RNF149: variants seen among roughly 807,000 people sequenced by gnomAD.
RNF149 encodes the protein E3 ubiquitin-protein ligase RNF149.
Under a neutral mutation model 39.0 loss-of-function variants are expected in RNF149, and 21 were observed. That is an observed-to-expected ratio of 0.54 (90% CI 0.38 to 0.77). The LOEUF (loss-of-function observed/expected upper bound fraction) is 0.77. Among genes scored for constraint, RNF149 ranks in the 30% least tolerant of loss-of-function variants. The pLI, the probability that RNF149 is intolerant of heterozygous loss-of-function variation, is 0.00. For missense variants in RNF149, 493 were observed against 534.9 expected, an observed-to-expected ratio of 0.92 and a Z score of 0.77; for synonymous variants, 209 against 213.6, an observed-to-expected ratio of 0.98 and a Z score of 0.19.
At chr2:101,273,277 T>C (rs769497945), downstream of RNF149, 36 of 505,966 alleles carry the variant, frequency 7.1e-5, 1 homozygote, top group Admixed American at 5.6e-4. Context: ...ACTGCCTCCT[T>C]CTCCATGCCA....
chr2:101,273,476 C>CTA, downstream of RNF149: 2 of 350,410 alleles, frequency 5.7e-6, no homozygotes, highest in South Asian at 4.4e-5. Flanking sequence ...ATATTTGTTT[C>CTA]TTTTTTTTTT....
chr2:101,297,944 T>C (rs1254938332), intron 1 of RNF149, among the ~76,000 whole-genome samples: 4 of 152,204 alleles, frequency 2.6e-5, no homozygotes, highest in Non-Finnish European at 5.9e-5. Context: ...AAAAGTCTGA[T>C]ACACTATACT....
At chr2:101,294,388 C>A (rs1683140625) in intron 2 of RNF149, 2 of 266,372 alleles carry the variant, frequency 7.5e-6, no homozygotes, top group South Asian at 4.8e-5. Flanking sequence ...GCAACCACTT[C>A]TTATGCTTAA....
At position 101,288,473 on chromosome 2, in the gene RNF149, C is replaced by A. The variant is rs752764072; in HGVS notation, c.863+500G>T. ...GGCTAGTCTTGAACACCTGCATCAG[C>A]CTCCCAAAGTGCTGGGATTACAGGT... On this transcript the variant is annotated intron_variant, in intron 4 of 6. Transcript: ENST00000295317. 5.3e-5 allele frequency among the ~76,000 whole-genome samples: 8 copies of A among 152,020 alleles called. No homozygotes were observed. In the Middle Eastern group the frequency reaches 0.01, roughly 194 times the overall value.
chr2:101,276,606 A>G lies in RNF149; in HGVS notation c.*632T>C. 4 of 985,864 alleles carry G rather than the reference A, an allele frequency of 4.1e-6. No individual in the cohort carries two copies. Among genetic ancestry groups the G allele is most frequent in the Non-Finnish European group, 4.8e-6 (4 of 829,946 alleles). 61.1% of individuals were successfully genotyped at this position (985,864 alleles called of 1,614,324 possible). On this transcript the variant is annotated 3_prime_UTR_variant, in exon 7 of 7. Coordinates refer to ENST00000295317, the MANE Select transcript of RNF149 (RefSeq NM_173647.4). ...AGATTTCCCTCCCCAACAAGGCGTCACAAGAAATGAGGCAATAAAGGGAAA... is the reference window on the plus strand; with the variant it reads ...AGATTTCCCTCCCCAACAAGGCGTCGCAAGAAATGAGGCAATAAAGGGAAA...
downstream of RNF149, among the ~76,000 whole-genome samples, chr2:101,275,536 G>C (rs1573213858): frequency 7.4e-6 from 1 of 135,386 alleles, no homozygotes; most frequent in African/African-American, 2.8e-5. Context: ...CTGCCTTCCG[G>C]GTTCACGCCA....
chr2:101,275,467 A>G, downstream of RNF149, among the ~76,000 whole-genome samples: 1 of 69,800 alleles, frequency 1.4e-5, no homozygotes, highest in Admixed American at 2.4e-4. Context: ...TTTGAGACGG[A>G]GTCTCGCTCT....
intron 2 of RNF149, chr2:101,294,694 T>G: frequency 2.2e-6 from 1 of 456,388 alleles, no homozygotes. Context: ...ACTAAGAGGG[T>G]TCCTGCAGGA....
At chr2:101,285,001 C>A (rs1220487524) in intron 5 of RNF149, among the ~76,000 whole-genome samples, 1 of 152,124 alleles carries the variant, frequency 6.6e-6, no homozygotes, top group African/African-American at 2.4e-5. Context: ...CTCATGCGAT[C>A]CTCCTGCCTC....
chr2:101,287,631 A>T (rs576850593), intron 4 of RNF149, among the ~76,000 whole-genome samples: 10 of 152,354 alleles, frequency 6.6e-5, no homozygotes, highest in Admixed American at 4.6e-4. Flanking sequence ...CTACTTTAAT[A>T]ACTTTCTACA....
intron 3 of RNF149, among the ~76,000 whole-genome samples, chr2:101,291,690 A>G (rs1316365275): frequency 6.6e-6 from 1 of 152,236 alleles, no homozygotes; most frequent in East Asian, 1.9e-4. Context: ...ATCATTTATC[A>G]TATGCAGGGC....
At chr2:101,295,396 G>A (rs969560280) in intron 1 of RNF149, among the ~76,000 whole-genome samples, 2 of 152,036 alleles carry the variant, frequency 1.3e-5, no homozygotes, top group East Asian at 3.8e-4. Context: ...GGCCGGGCAC[G>A]GTGCCTGCCT....
intron 5 of RNF149, among the ~76,000 whole-genome samples, chr2:101,284,782 T>G (rs1212923593): frequency 6.6e-6 from 1 of 152,168 alleles, no homozygotes; most frequent in Non-Finnish European, 1.5e-5. Flanking sequence ...TGATCATCAT[T>G]TAAAAAACCC....
chr2:101,292,250 G>C (rs1475068782), intron 3 of RNF149, among the ~76,000 whole-genome samples: 1 of 151,994 alleles, frequency 6.6e-6, no homozygotes, highest in African/African-American at 2.4e-5. Context: ...ATACCTCATG[G>C]GTCATTTAGA....
intron 4 of RNF149, chr2:101,286,407 C>A (rs920228152): frequency 1.2e-4 from 46 of 389,258 alleles, no homozygotes; most frequent in African/African-American, 8.1e-4. Context: ...CTTATTTATG[C>A]TCTCACGCTA....
chr2:101,282,821 C>T (rs1682641407), intron 5 of RNF149, among the ~76,000 whole-genome samples: 1 of 151,878 alleles, frequency 6.6e-6, no homozygotes, highest in South Asian at 2.1e-4. Flanking sequence ...CTCACGGGCA[C>T]CCCTCCTCCC....
Position 101,308,127 on chromosome 2 carries a change from AC to A in RNF149, c.460+1del, listed in dbSNP as rs762313310. On this transcript the variant is annotated splice_donor_variant, in intron 1 of 6. Transcript: ENST00000295317. LOFTEE classifies it high-confidence loss of function. ...CCCGTCCTCGCGCCCCGGCCTGCTC[AC>A]CCGCGTGAGACATGGGCAAGGTGAT... 60 of 1,607,260 alleles carry A rather than the reference AC, an allele frequency of 3.7e-5. No individual in the cohort carries two copies. Among genetic ancestry groups the A allele is most frequent in the Non-Finnish European group, 5.1e-5 (60 of 1,178,078 alleles).
Position 101,276,601 on chromosome 2 carries a change from G to A in RNF149, c.*637C>T, listed in dbSNP as rs1682353649. ...TAAACAGATTTCCCTCCCCAACAAG[G>A]CGTCACAAGAAATGAGGCAATAAAG... is the stretch of plus-strand genomic sequence containing the variant. On this transcript the variant is annotated 3_prime_UTR_variant, in exon 7 of 7. Transcript: ENST00000295317. 1.0e-6 allele frequency: 1 copy of A among 985,474 alleles called. No individual in the cohort carries two copies. Among genetic ancestry groups the A allele is most frequent in the Non-Finnish European group, 1.2e-6 (1 of 829,898 alleles). The allele number at this position is 985,474 out of a possible 1,614,324, so 61.0% of individuals were successfully genotyped here.
intron 3 of RNF149, among the ~76,000 whole-genome samples, chr2:101,290,222 T>TA (rs1012578249): frequency 6.6e-6 from 1 of 152,202 alleles, no homozygotes; most frequent in African/African-American, 2.4e-5. Context: ...CATTTAAAAT[T>TA]ATATGTTTCA....
Sources: gnomAD v4.1 joint callset for allele counts (sites outside exome capture counted in the v4.1 genomes callset) on GRCh38, gnomAD v4.1.1 for gene constraint, MANE v1.5 for transcripts, NCBI Gene and HGNC (gene_info 2026-07-23, HGNC 2026-07-21) for gene names.